Variants in CHODL observed in about 807,000 individuals in gnomAD.
The protein encoded by CHODL is chondrolectin, also known as transmembrane protein MT75.
CHODL carries 29 observed loss-of-function variants against 34.5 expected under a neutral mutation model. That is an observed-to-expected ratio of 0.84 (90% CI 0.63 to 1.15). The LOEUF (loss-of-function observed/expected upper bound fraction) is 1.15. Ranked by LOEUF, CHODL falls within the 50% of genes most tolerant of loss-of-function variation. CHODL has a pLI of 0.00. For synonymous variants in CHODL, 125 were observed against 116.1 expected (o/e 1.08, Z -0.49); for missense variants, 332 against 332.5 (o/e 1.00, Z 0.01).
intron 1 of CHODL, among the ~76,000 whole-genome samples, chr21:17,975,886 C>G (rs1010933896): frequency 1.4e-4 from 21 of 151,952 alleles, no homozygotes; most frequent in African/African-American, 4.8e-4. Context: ...CTTATTAGAA[C>G]CCAAAACAAC....
intron 1 of CHODL, among the ~76,000 whole-genome samples, chr21:17,954,076 A>C (rs1162529516): frequency 1.3e-5 from 2 of 152,166 alleles, no homozygotes; most frequent in Non-Finnish European, 2.9e-5. Context: ...TAAGGATGAA[A>C]GCAGATTTAA....
chr21:18,062,945 C>T (rs2064687318), intron 2 of CHODL, among the ~76,000 whole-genome samples: 2 of 152,100 alleles, frequency 1.3e-5, no homozygotes, highest in South Asian at 4.1e-4. Context: ...ACCATCAATT[C>T]TTCTGATTTT....
chr21:18,136,037 A>T (rs1286040893), intron 2 of CHODL, among the ~76,000 whole-genome samples: 4 of 137,802 alleles, frequency 2.9e-5, no homozygotes, highest in Non-Finnish European at 6.1e-5. Context: ...AACCTGGGAG[A>T]CGGAGGTTGC....
At position 18,083,060 on chromosome 21, in the gene CHODL, C is replaced by T. The variant is rs186449954; in HGVS notation, c.-45+55089C>T. ...CATATCAGAGATCTTGACAGCAGTCCATCTTATCACAGGTCCAGAGGCCTA... is the reference window on the plus strand; with the variant it reads ...CATATCAGAGATCTTGACAGCAGTCTATCTTATCACAGGTCCAGAGGCCTA... On this transcript the variant is annotated intron_variant, in intron 2 of 6. Coordinates refer to the CHODL transcript ENST00000400127. Among the ~76,000 whole-genome samples, 5 of 152,248 alleles carry T rather than the reference C, an allele frequency of 3.3e-5. No homozygotes were observed. The East Asian group carries it at 9.7e-4, about 29-fold the overall frequency.
intron 2 of CHODL, among the ~76,000 whole-genome samples, chr21:18,222,315 G>T (rs775975948): frequency 6.6e-6 from 1 of 152,268 alleles, no homozygotes; most frequent in East Asian, 1.9e-4. Context: ...AATGTGGGGG[G>T]ATCTTTGTGG....
rs552212972 is a variant in CHODL, at chr21:17,931,299, A to G, written c.-145+13899A>G. The stretch of plus-strand genomic sequence containing the variant: ...TACTGGTCTGGAGGTTGAACTGCAA[A>G]GCCCGATACAAAACATGCTAACAAG... On this transcript the variant is annotated intron_variant, in intron 1 of 6. Transcript: ENST00000400127. Among the ~76,000 whole-genome samples the G allele has an allele frequency of 7.2e-5, 11 of 152,348 alleles. No homozygotes were observed. In the South Asian group the frequency reaches 2.3e-3, roughly 32 times the overall value.
chr21:18,003,993 GGTCATTC>G (rs2063936158), intron 1 of CHODL, among the ~76,000 whole-genome samples: 1 of 152,106 alleles, frequency 6.6e-6, no homozygotes, highest in African/African-American at 2.4e-5. Context: ...CAAAAACAAG[GGTCATTC>G]GTCTTTCAAG....
chr21:17,996,741 A>C lies in CHODL; in HGVS notation c.-144-31131A>C, dbSNP rs138632207. 5.5e-3 allele frequency among the ~76,000 whole-genome samples: 843 copies of C among 152,364 alleles called. 8 individuals are homozygous for C. The highest frequency in any genetic ancestry group is 0.013 in the African/African-American group (554 of 41,576). ...TAATAATAAACACTCTTCAACAAAG[A>C]CTGAAGTACTTCATGAATTTATAGA... On this transcript the variant is annotated intron_variant, in intron 1 of 6. Transcript: ENST00000400127.
At chr21:18,074,889 A>C (rs559330222) in intron 2 of CHODL, among the ~76,000 whole-genome samples, 26 of 152,246 alleles carry the variant, frequency 1.7e-4, no homozygotes, top group African/African-American at 5.8e-4. Flanking sequence ...GAGTTGATAC[A>C]TTTGCAGGGA....
At chr21:17,950,654 C>T (rs1208525903) in intron 1 of CHODL, among the ~76,000 whole-genome samples, 1 of 152,004 alleles carries the variant, frequency 6.6e-6, no homozygotes, top group Non-Finnish European at 1.5e-5. Context: ...TACTTTGGAG[C>T]AATTGCAGAG....
At chr21:18,197,119 TTTTA>T (rs1233880643) in intron 2 of CHODL, among the ~76,000 whole-genome samples, 6 of 152,154 alleles carry the variant, frequency 3.9e-5, no homozygotes, top group African/African-American at 1.2e-4. Flanking sequence ...TTATGTATAG[TTTTA>T]TTTGTCAATT....
chr21:17,918,159 T>C (rs1311840197), intron 1 of CHODL, among the ~76,000 whole-genome samples: 1 of 151,060 alleles, frequency 6.6e-6, no homozygotes, highest in Admixed American at 6.6e-5. Context: ...AAACTGGGGG[T>C]GAGGGGGGTT....
chr21:17,978,139 G>A lies in CHODL; in HGVS notation c.-144-49733G>A, dbSNP rs149424349. Reference sequence around the variant, plus strand: ...GGGTATTACCAAGCCAAAAAAACACGTCGGCCAGGCGTGGTGGCTCACGCC... The same window carrying A: ...GGGTATTACCAAGCCAAAAAAACACATCGGCCAGGCGTGGTGGCTCACGCC... On this transcript the variant is annotated intron_variant, in intron 1 of 6. Coordinates refer to the CHODL transcript ENST00000400127. Among the ~76,000 whole-genome samples the A allele has an allele frequency of 2.8e-3, 428 of 152,092 alleles. 1 individual carries two copies. Among genetic ancestry groups the A allele is most frequent in the African/African-American group, 9.8e-3 (406 of 41,526 alleles).
At chr21:18,182,760 T>C (rs1400620057) in intron 2 of CHODL, among the ~76,000 whole-genome samples, 1 of 152,206 alleles carries the variant, frequency 6.6e-6, no homozygotes, top group Non-Finnish European at 1.5e-5. Context: ...TAGTCCTTCC[T>C]AGAACTACTT....
At chr21:18,223,557 C>A (rs897934393) in intron 2 of CHODL, among the ~76,000 whole-genome samples, 1 of 152,128 alleles carries the variant, frequency 6.6e-6, no homozygotes, top group Non-Finnish European at 1.5e-5. Context: ...TAGGCAGATA[C>A]GATTTACTAA....
chr21:18,263,421 C>T (rs924845469), intron 5 of CHODL, among the ~76,000 whole-genome samples: 4 of 152,070 alleles, frequency 2.6e-5, no homozygotes, highest in Non-Finnish European at 4.4e-5. Flanking sequence ...AAACAGGCCA[C>T]TTTTTGGCAG....
intron 4 of CHODL, 37 bp from the exon 5 acceptor site, chr21:18,262,754 A>AACT: frequency 8.4e-7 from 1 of 1,186,656 alleles, no homozygotes; most frequent in South Asian, 1.3e-5. Context: ...ATTCTTCCTC[A>AACT]ACTATCTTTT....
chr21:18,221,764 T>G (rs934130100), intron 2 of CHODL, among the ~76,000 whole-genome samples: 1 of 152,214 alleles, frequency 6.6e-6, no homozygotes, highest in Non-Finnish European at 1.5e-5. Flanking sequence ...AGATGGCACT[T>G]ACAGGTATCA....
chr21:17,992,231 T>C (rs1480015764), intron 1 of CHODL, among the ~76,000 whole-genome samples: 1 of 152,218 alleles, frequency 6.6e-6, no homozygotes, highest in East Asian at 1.9e-4. Context: ...ACTATAGCTT[T>C]GTAATATATT....
Sources: allele counts gnomAD v4.1 joint callset (sites outside exome capture counted in the v4.1 genomes callset), GRCh38; gene constraint gnomAD v4.1.1; transcripts MANE v1.5; gene names NCBI Gene and HGNC (gene_info 2026-07-23, HGNC 2026-07-21).